Variants in CSMD2 observed in about 807,000 individuals in gnomAD.
CSMD2 encodes CUB and sushi domain-containing protein 2.
CSMD2 carries 130 observed loss-of-function variants against 398.5 expected under a neutral mutation model. That is an observed-to-expected ratio of 0.33 (90% confidence interval 0.28 to 0.38). The LOEUF (loss-of-function observed/expected upper bound fraction) is 0.38. Among genes scored for constraint, CSMD2 ranks in the 10% least tolerant of loss-of-function variants. CSMD2 has a pLI of 1.00. For synonymous variants in CSMD2, 1,828 were observed against 1,908.5 expected, an observed-to-expected ratio of 0.96 and a Z score of 1.10; for missense variants, 3,829 against 4,764.9, an observed-to-expected ratio of 0.80 and a Z score of 5.78.
chr1:33,533,059 T>C lies in CSMD2; in HGVS notation c.10162A>G (p.Ile3388Val), dbSNP rs1479835568. The change falls in exon 64 of 71, where the codon ATC becomes GTC. Residue 3388 changes from isoleucine to valine, a missense_variant. Physicochemically the swap from Ile to Val is conservative, Grantham distance 29 (BLOSUM62 3). Coordinates refer to ENST00000373381, the MANE Select transcript of CSMD2 (RefSeq NM_001281956.2). This position sits in a 1 kb window ranked among gnomAD's most constrained non-coding sequence, Gnocchi z 4.2. The part of the protein sequence containing the change: ...ADGSWTGKPP[I>V]CLEVRPSGRP... Reference sequence around the variant, plus strand: ...GAGCAGGCACACTCACCCAGGCAGATGGGCGGCTTGCCTGTCCAGCTGCCA... The same window carrying C: ...GAGCAGGCACACTCACCCAGGCAGACGGGCGGCTTGCCTGTCCAGCTGCCA... 1.2e-6 allele frequency: 2 copies of C among 1,610,554 alleles called. No individual in the cohort carries two copies. The highest frequency in any genetic ancestry group is 3.3e-5 in the Admixed American group (2 of 59,982).
chr1:33,597,881 C>A (rs1176254746), intron 44 of CSMD2, among the ~76,000 whole-genome samples: 2 of 152,188 alleles, frequency 1.3e-5, no homozygotes, highest in Non-Finnish European at 2.9e-5. Context: ...GCAATGAAAT[C>A]ATACAGCATT....
At chr1:33,955,371 T>C (rs1047480949) in intron 3 of CSMD2, among the ~76,000 whole-genome samples, 4 of 152,326 alleles carry the variant, frequency 2.6e-5, no homozygotes, top group East Asian at 3.9e-4. Context: ...CTGGGGCCTG[T>C]GCAGAGGATG....
intron 5 of CSMD2, among the ~76,000 whole-genome samples, chr1:33,916,100 G>C (rs1405564071): frequency 6.6e-6 from 1 of 152,118 alleles, no homozygotes; most frequent in Non-Finnish European, 1.5e-5. Flanking sequence ...GTCAACAAAT[G>C]ATATTATTAT....
At chr1:33,759,328 T>C (rs79825388) in intron 13 of CSMD2, among the ~76,000 whole-genome samples, 50 of 69,742 alleles carry the variant, frequency 7.2e-4, no homozygotes, top group African/African-American at 1.6e-3. Flanking sequence ...TTTTTTCTTT[T>C]TTTTTTTTTT....
intron 19 of CSMD2, among the ~76,000 whole-genome samples, chr1:33,718,953 A>G (rs940878004): frequency 6.6e-6 from 1 of 152,334 alleles, no homozygotes; most frequent in Non-Finnish European, 1.5e-5. Flanking sequence ...GGCAACTGAG[A>G]AGCATCAAGG....
intron 2 of CSMD2, among the ~76,000 whole-genome samples, chr1:34,087,635 TAATAATAA>T (rs964121587): frequency 2.5e-4 from 37 of 148,276 alleles, no homozygotes; most frequent in African/African-American, 8.6e-4. Context: ...ATAATAATAA[TAATAATAA>T]TAATAATAAT....
chr1:33,705,821 T>A (rs939327109), intron 22 of CSMD2, among the ~76,000 whole-genome samples: 6 of 152,030 alleles, frequency 3.9e-5, no homozygotes, highest in Non-Finnish European at 8.8e-5. Flanking sequence ...ATTTTCTTAT[T>A]TCCATAATCT....
chr1:34,090,227 G>A (rs1658399507), intron 1 of CSMD2, among the ~76,000 whole-genome samples: 1 of 152,188 alleles, frequency 6.6e-6, no homozygotes, highest in African/African-American at 2.4e-5. Flanking sequence ...CACCGGGGTG[G>A]AGCTGGAGGG....
intron 3 of CSMD2, among the ~76,000 whole-genome samples, chr1:34,021,116 C>CA (rs1193989491): frequency 6.6e-6 from 1 of 152,134 alleles, no homozygotes; most frequent in Non-Finnish European, 1.5e-5. Context: ...AAGAATAATC[C>CA]AAAACAGTGG....
intron 47 of CSMD2, 125 bp from the exon 48 acceptor site, chr1:33,581,024 C>T: frequency 1.2e-6 from 1 of 834,170 alleles, no homozygotes; most frequent in Non-Finnish European, 1.8e-6. Context: ...TGTACTTGCA[C>T]TCCTCTCTCT....
chr1:33,883,137 T>A (rs1353572805), intron 5 of CSMD2, among the ~76,000 whole-genome samples: 2 of 152,202 alleles, frequency 1.3e-5, no homozygotes, highest in Non-Finnish European at 2.9e-5. Flanking sequence ...CAACTACCCA[T>A]TGGTTCAGTT....
chr1:34,019,726 G>A lies in CSMD2; in HGVS notation c.517+12868C>T, dbSNP rs1319897486. On this transcript the variant is annotated intron_variant, in intron 3 of 70. Transcript: ENST00000373381. ...ACTTCCCTGCCTAAGACCCTTCAGC[G>A]ATGGTCCCCTTCTTGTGAGTAAGGC... Among the ~76,000 whole-genome samples, 7 of 152,096 alleles carry A rather than the reference G, an allele frequency of 4.6e-5. No individual in the cohort carries two copies. The East Asian group carries it at 1.2e-3, about 25-fold the overall frequency.
Position 33,537,196 on chromosome 1 carries a change from T to A in CSMD2, c.9806-101A>T. Reference sequence around the variant, plus strand: ...GTGTAGAAAAGAAAATGCGGCCACATCCTGACTTCCCTGCCCACTGAGATC... The same window carrying A: ...GTGTAGAAAAGAAAATGCGGCCACAACCTGACTTCCCTGCCCACTGAGATC... On this transcript the variant is annotated intron_variant, in intron 61 of 70. Transcript: ENST00000373381. The surrounding 1 kb of genome is among the most constrained non-coding windows in gnomAD (Gnocchi z 4.6). The A allele has an allele frequency of 7.4e-7, 1 of 1,348,972 alleles. No individual in the cohort carries two copies. Among genetic ancestry groups the A allele is most frequent in the Non-Finnish European group, 1.1e-6 (1 of 950,092 alleles). The allele number at this position is 1,348,972 out of a possible 1,614,324, so 83.6% of individuals were successfully genotyped here.
intron 10 of CSMD2, among the ~76,000 whole-genome samples, chr1:33,803,730 AG>A (rs1416726552): frequency 6.6e-6 from 1 of 152,118 alleles, no homozygotes; most frequent in Non-Finnish European, 1.5e-5. Flanking sequence ...TTTCCTACTT[AG>A]GTAACTGCTT....
intron 28 of CSMD2, among the ~76,000 whole-genome samples, chr1:33,651,931 G>GACCCAATCTAGCCT (rs1467204955): frequency 2.1e-4 from 32 of 152,178 alleles, no homozygotes; most frequent in African/African-American, 7.2e-4. Context: ...GATTGGGGGG[G>GACCCAATCTAGCCT]GTGCCTGGGA....
intron 3 of CSMD2, among the ~76,000 whole-genome samples, chr1:34,026,633 T>G (rs1649683739): frequency 6.6e-6 from 1 of 152,200 alleles, no homozygotes; most frequent in South Asian, 2.1e-4. Flanking sequence ...GCAGAGACTC[T>G]TCCCTCATTG....
intron 51 of CSMD2, among the ~76,000 whole-genome samples, chr1:33,570,907 T>C (rs1442993104): frequency 1.3e-5 from 2 of 152,162 alleles, no homozygotes; most frequent in Non-Finnish European, 1.5e-5. Context: ...TCAATTCTCC[T>C]TCTGCCCAGT....
rs2149205732 is a variant in CSMD2 at position 33,725,473 on chromosome 1, G to A, written c.2571C>T (p.Pro857=). 1 of 1,614,264 alleles carries A rather than the reference G, an allele frequency of 6.2e-7. No homozygotes were observed. The highest frequency in any genetic ancestry group is 8.5e-7 in the Non-Finnish European group (1 of 1,180,046). ...GGGTCCCGTGGTAAACCCCGATCAA[G>A]GGCGCTGAGTAAGTCCGCCCATCGC... The part of the protein sequence containing the change: ...EVRDGRTYSA[P]LIGVYHGTQV... Residue 857 remains proline (P), a synonymous_variant, in exon 17 of 71, where the codon CCC becomes CCT. Coordinates refer to ENST00000373381, the MANE Select transcript of CSMD2 (RefSeq NM_001281956.2).
chr1:33,990,091 C>G (rs1385495687), intron 3 of CSMD2, among the ~76,000 whole-genome samples: 1 of 151,220 alleles, frequency 6.6e-6, no homozygotes. Context: ...GCCAACATGG[C>G]GAAACCCCAT....
Sources: gnomAD v4.1 joint callset for allele counts (sites outside exome capture counted in the v4.1 genomes callset) on GRCh38, gnomAD v4.1.1 for gene constraint, Gnocchi (gnomAD v3.1) non-coding constraint, MANE v1.5 for transcripts, NCBI Gene and HGNC (gene_info 2026-07-23, HGNC 2026-07-21) for gene names.